The following FBXL7 variants were observed in gnomAD, a reference collection of about 807,000 sequenced individuals.
FBXL7 encodes the protein F-box/LRR-repeat protein 7.
In FBXL7, 12 loss-of-function variants were observed where a neutral mutation model predicts 38.3. The observed-to-expected ratio is 0.31, with a 90% CI of 0.20 to 0.51. The LOEUF (loss-of-function observed/expected upper bound fraction) is 0.51. Ranked by LOEUF, FBXL7 falls within the 20% of genes least tolerant of loss-of-function variation. The pLI is 0.98. For missense variants in FBXL7, 567 were observed against 676.4 expected (o/e 0.84, Z 1.79); for synonymous variants, 297 against 300.9 (o/e 0.99, Z 0.13).
At position 15,513,332 on chromosome 5, in the gene FBXL7, A is replaced by G. The variant is rs553926978; in HGVS notation, c.37+12619A>G. Among the ~76,000 whole-genome samples, 7 of 152,342 alleles carry G rather than the reference A, an allele frequency of 4.6e-5. 1 individual carries two copies. In the South Asian group the frequency reaches 1.2e-3, roughly 27 times the overall value. On this transcript the variant is annotated intron_variant, in intron 1 of 3. Transcript: ENST00000504595. ...GAATTTAAGAAGTACAATTAAAATG[A>G]AAGTGTTATTTCTTTCTTTAATAAC...
At chr5:15,703,861 T>C (rs1233054649) in intron 2 of FBXL7, among the ~76,000 whole-genome samples, 2 of 152,176 alleles carry the variant, frequency 1.3e-5, no homozygotes, top group African/African-American at 4.8e-5. Context: ...ATTAATGAAC[T>C]AAAGACACAA....
chr5:15,661,779 G>C (rs913524110), intron 2 of FBXL7, among the ~76,000 whole-genome samples: 1 of 152,164 alleles, frequency 6.6e-6, no homozygotes, highest in East Asian at 1.9e-4. Flanking sequence ...AGAGCATACA[G>C]TATTTGGATT....
intron 2 of FBXL7, among the ~76,000 whole-genome samples, chr5:15,642,783 G>A (rs1741409748): frequency 6.6e-6 from 1 of 152,160 alleles, no homozygotes; most frequent in Non-Finnish European, 1.5e-5. Flanking sequence ...GCCTTCATCT[G>A]GTGCTTGTCT....
Position 15,773,020 on chromosome 5 carries a change from G to T in FBXL7, c.128-154870G>T, listed in dbSNP as rs143023590. On this transcript the variant is annotated intron_variant, in intron 2 of 3. Coordinates refer to ENST00000504595, the MANE Select transcript of FBXL7 (RefSeq NM_012304.5). The stretch of plus-strand genomic sequence containing the variant: ...AGCGATCCTCCCTCCTGAGCCTCCC[G>T]AGCAGCTAGAACCACAGGTGCACAT... Among the ~76,000 whole-genome samples the T allele has an allele frequency of 2.8e-3, 424 of 151,924 alleles. 1 individual carries two copies. Among genetic ancestry groups the T allele is most frequent in the Non-Finnish European group, 4.5e-3 (308 of 67,970 alleles).
intron 2 of FBXL7, among the ~76,000 whole-genome samples, chr5:15,740,239 C>T (rs1561107386): frequency 6.6e-6 from 1 of 152,180 alleles, no homozygotes; most frequent in Non-Finnish European, 1.5e-5. Context: ...ATTCTCTTAA[C>T]TTCTAGCCTA....
At chr5:15,811,894 G>A (rs1346683891) in intron 2 of FBXL7, among the ~76,000 whole-genome samples, 3 of 152,138 alleles carry the variant, frequency 2.0e-5, no homozygotes, top group Non-Finnish European at 4.4e-5. Flanking sequence ...TGGTGGGAGT[G>A]TAAATTAGTT....
chr5:15,757,649 C>T (rs959949541), intron 2 of FBXL7, among the ~76,000 whole-genome samples: 9 of 152,070 alleles, frequency 5.9e-5, no homozygotes, highest in Non-Finnish European at 1.2e-4. Flanking sequence ...CTCTGTCATC[C>T]AGTAGCTGCA....
intron 2 of FBXL7, among the ~76,000 whole-genome samples, chr5:15,688,425 G>A (rs1400225382): frequency 6.6e-6 from 1 of 152,176 alleles, no homozygotes; most frequent in African/African-American, 2.4e-5. Flanking sequence ...CTGGATTTGG[G>A]AACTGGCATT....
intron 2 of FBXL7, among the ~76,000 whole-genome samples, chr5:15,813,646 A>G (rs941014838): frequency 1.3e-5 from 2 of 152,192 alleles, no homozygotes; most frequent in African/African-American, 4.8e-5. Context: ...GGCAACCTAC[A>G]GAATGGGAGA....
chr5:15,762,750 G>A (rs1000282182), intron 2 of FBXL7, among the ~76,000 whole-genome samples: 2 of 152,180 alleles, frequency 1.3e-5, no homozygotes, highest in African/African-American at 4.8e-5. Context: ...ATGCTGAAAG[G>A]CTTATAAACT....
At chr5:15,681,172 G>A (rs1349183783) in intron 2 of FBXL7, among the ~76,000 whole-genome samples, 1 of 152,226 alleles carries the variant, frequency 6.6e-6, no homozygotes, top group East Asian at 1.9e-4. Context: ...AGTGTCAAAA[G>A]CTTCATAAAA....
chr5:15,738,964 G>A (rs1735826433), intron 2 of FBXL7, among the ~76,000 whole-genome samples: 1 of 152,200 alleles, frequency 6.6e-6, no homozygotes, highest in South Asian at 2.1e-4. Context: ...CAGCACTGAG[G>A]AGATGATCCA....
At position 15,500,400 on chromosome 5, in the gene FBXL7, G is replaced by C. The variant is rs1035396561; in HGVS notation, c.-277G>C. 1 of 278,776 alleles carries C rather than the reference G, an allele frequency of 3.6e-6. No homozygotes were observed. Among genetic ancestry groups the C allele is most frequent in the African/African-American group, 2.3e-5 (1 of 43,606 alleles). 17.3% of individuals were successfully genotyped at this position (278,776 alleles called of 1,614,324 possible). A position where few individuals can be genotyped will look rare whatever the true frequency, so the allele number is the denominator to read the frequency against. ...GCCTCTGGGCGGCCCCGGGGCGCGG[G>C]CTGTGCGCGGCGCTGCGCCCGCCGG... On this transcript the variant is annotated 5_prime_UTR_variant, in exon 1 of 4. Transcript: ENST00000504595.
chr5:15,733,081 C>A (rs4270693), intron 2 of FBXL7, among the ~76,000 whole-genome samples: 124 of 151,178 alleles, frequency 8.2e-4, no homozygotes, highest in African/African-American at 2.9e-3. Context: ...TATTAAAAAT[C>A]ATGTTTTTTG....
chr5:15,593,572 C>T (rs1739540046), intron 1 of FBXL7, among the ~76,000 whole-genome samples: 1 of 151,992 alleles, frequency 6.6e-6, no homozygotes, highest in Non-Finnish European at 1.5e-5. Context: ...GTGTGGAATT[C>T]TCATTAAGTT....
At chr5:15,503,984 G>A (rs1736573064) in intron 1 of FBXL7, among the ~76,000 whole-genome samples, 1 of 152,192 alleles carries the variant, frequency 6.6e-6, no homozygotes, top group Non-Finnish European at 1.5e-5. Flanking sequence ...GCTTACCTTA[G>A]CAGATGTAAT....
At chr5:15,605,749 T>C (rs1739985817) in intron 1 of FBXL7, among the ~76,000 whole-genome samples, 1 of 152,192 alleles carries the variant, frequency 6.6e-6, no homozygotes, top group Admixed American at 6.5e-5. Flanking sequence ...ATGTACATTT[T>C]ACCACAATTT....
At chr5:15,785,234 C>A (rs1737104493) in intron 2 of FBXL7, among the ~76,000 whole-genome samples, 1 of 152,182 alleles carries the variant, frequency 6.6e-6, no homozygotes. Flanking sequence ...GCTGTCGAGG[C>A]AACACAGGAA....
At chr5:15,762,184 GA>G (rs1282275749) in intron 2 of FBXL7, among the ~76,000 whole-genome samples, 1 of 152,208 alleles carries the variant, frequency 6.6e-6, no homozygotes, top group Non-Finnish European at 1.5e-5. Flanking sequence ...GATGAAAGCT[GA>G]AGTTCTTCTC....
Sources: allele counts gnomAD v4.1 joint callset (sites outside exome capture counted in the v4.1 genomes callset), GRCh38; gene constraint gnomAD v4.1.1; transcripts MANE v1.5; gene names NCBI Gene and HGNC (gene_info 2026-07-23, HGNC 2026-07-21).